UGT2A1: variants seen among roughly 807,000 people sequenced by gnomAD.
The protein encoded by UGT2A1 is UDP glucuronosyltransferase family 2 member A1 complex locus.
UGT2A1 carries 61 observed loss-of-function variants against 45.4 expected under a neutral mutation model. The ratio of observed to expected loss-of-function variants is 1.34; its 90% confidence interval spans 1.09 to 1.66. The LOEUF (loss-of-function observed/expected upper bound fraction) is 1.66, where lower values mean the gene tolerates loss of function less well. UGT2A1 is among the 40% of genes most tolerant of loss of function. The pLI is 0.00. For synonymous variants in UGT2A1, 229 were observed against 196.2 expected (o/e 1.17, Z -1.40); for missense variants, 649 against 574.3 (o/e 1.13, Z -1.33).
chr4:69,603,619 G>C (rs745822968), intron 3 of UGT2A1: 1 of 136,300 alleles, frequency 7.3e-6, no homozygotes, highest in Non-Finnish European at 1.6e-5. Context: ...AAACTGCTCC[G>C]AGCTACAGGA....
At chr4:69,596,088 A>G (rs539505717) in intron 4 of UGT2A1, among the ~76,000 whole-genome samples, 2 of 152,336 alleles carry the variant, frequency 1.3e-5, no homozygotes, top group Admixed American at 1.3e-4. Flanking sequence ...TCAATGTGCT[A>G]ATGTACACAA....
intron 6 of UGT2A1, among the ~76,000 whole-genome samples, chr4:69,594,135 C>A (rs1215696005): frequency 6.6e-6 from 1 of 151,708 alleles, no homozygotes; most frequent in Non-Finnish European, 1.5e-5. Flanking sequence ...CTATCATACC[C>A]GGCTAAATTT....
At chr4:69,646,822 C>T (rs1247758002) in intron 2 of UGT2A1, 108 bp downstream of exon 2, 11 of 737,286 alleles carry the variant, frequency 1.5e-5, no homozygotes, top group East Asian at 5.4e-5. Context: ...ATATATAGTA[C>T]ATCAATACTT....
chr4:69,646,516 C>T (rs1011633844), intron 2 of UGT2A1, among the ~76,000 whole-genome samples: 2 of 151,734 alleles, frequency 1.3e-5, no homozygotes, highest in Non-Finnish European at 3.0e-5. Context: ...AGATTATCCA[C>T]ATATATGTAT....
intron 2 of UGT2A1, among the ~76,000 whole-genome samples, chr4:69,640,138 G>T (rs1456889789): frequency 6.6e-6 from 1 of 151,902 alleles, no homozygotes; most frequent in Non-Finnish European, 1.5e-5. Flanking sequence ...AGAAGATATG[G>T]CCTGGAACTC....
rs533907513 is a variant in UGT2A1, at chr4:69,602,931, G to A, written c.848-3537C>T. On this transcript the variant is annotated intron_variant, in intron 3 of 6. Coordinates refer to ENST00000286604, the MANE Select transcript of UGT2A1 (RefSeq NM_001252275.3). ...AAATACAAAAAAATTAGCCGGGCGT[G>A]GTGGCAGGTGCCTGTAATCCCAGAT... 8.1e-5 allele frequency among the ~76,000 whole-genome samples: 11 copies of A among 135,286 alleles called. 1 individual carries two copies. The East Asian group carries it at 2.3e-3, about 28-fold the overall frequency. 88.8% of individuals were successfully genotyped at this position (135,286 alleles called of 152,430 possible). A position where few individuals can be genotyped will look rare whatever the true frequency, so the allele number is the denominator to read the frequency against.
intron 3 of UGT2A1, among the ~76,000 whole-genome samples, chr4:69,605,135 A>T (rs1398128683): frequency 2.2e-5 from 3 of 136,838 alleles, no homozygotes; most frequent in Admixed American, 7.2e-5. Context: ...TCAGCACCAC[A>T]CCGCACTTAT....
At chr4:69,594,105 G>C (rs1430139603) in intron 6 of UGT2A1, among the ~76,000 whole-genome samples, 1 of 151,686 alleles carries the variant, frequency 6.6e-6, no homozygotes, top group Non-Finnish European at 1.5e-5. Flanking sequence ...CTCCTGAGTA[G>C]CTGGGACTAC....
In UGT2A1 at chr4:69,647,462, G is replaced by T. The variant is rs1490794337; in HGVS notation, c.183C>A (p.Ile61=). 6.2e-7 allele frequency: 1 copy of T among 1,613,008 alleles called. No homozygotes were observed. Among genetic ancestry groups the T allele is most frequent in the African/African-American group, 1.3e-5 (1 of 74,970 alleles). ...TVLVASGALF[I]TPTSNPSLTF... ...TCAGAGATGGGTTAGAGGTTGGTGTGATGAAAAGTGCACCAGAGGCAACTA... is the reference window on the plus strand; with the variant it reads ...TCAGAGATGGGTTAGAGGTTGGTGTTATGAAAAGTGCACCAGAGGCAACTA... Residue 61 remains isoleucine (I), a synonymous_variant, in exon 2 of 7, where the codon ATC becomes ATA. Transcript: ENST00000286604.
intron 2 of UGT2A1, among the ~76,000 whole-genome samples, chr4:69,644,422 AT>A (rs1173556833): frequency 2.0e-5 from 3 of 151,736 alleles, no homozygotes; most frequent in East Asian, 3.9e-4. Context: ...GAGACGGTCT[AT>A]GTACATTCCG....
At chr4:69,650,263 C>T (rs1379013999) in intron 1 of UGT2A1, among the ~76,000 whole-genome samples, 2 of 152,088 alleles carry the variant, frequency 1.3e-5, no homozygotes. Context: ...ACCTACTATT[C>T]ACACACAGCA....
intron 3 of UGT2A1, among the ~76,000 whole-genome samples, chr4:69,611,316 T>G (rs1720035928): frequency 6.6e-6 from 1 of 150,826 alleles, no homozygotes; most frequent in African/African-American, 2.4e-5. Flanking sequence ...TATTAATTTC[T>G]GCCAAATTTT....
intron 3 of UGT2A1, among the ~76,000 whole-genome samples, chr4:69,622,299 G>A (rs1356826558): frequency 6.6e-6 from 1 of 151,534 alleles, no homozygotes; most frequent in East Asian, 1.9e-4. Context: ...ACACCACAAA[G>A]ATGGGAAATT....
chr4:69,643,033 C>A (rs905502187), intron 2 of UGT2A1, among the ~76,000 whole-genome samples: 5 of 151,154 alleles, frequency 3.3e-5, no homozygotes, highest in Non-Finnish European at 7.4e-5. Context: ...GGTATACATT[C>A]GAAACTGTGG....
intron 6 of UGT2A1, among the ~76,000 whole-genome samples, chr4:69,592,202 C>T (rs1294868071): frequency 6.6e-6 from 1 of 152,140 alleles, no homozygotes; most frequent in Non-Finnish European, 1.5e-5. Flanking sequence ...ACCTTCTCCT[C>T]TCCTGAATCT....
At chr4:69,641,255 T>G (rs1014937480) in intron 2 of UGT2A1, among the ~76,000 whole-genome samples, 1 of 151,948 alleles carries the variant, frequency 6.6e-6, no homozygotes. Flanking sequence ...CCTAATTTAG[T>G]GAAGAACAAT....
At chr4:69,628,481 A>G (rs970583966) in intron 3 of UGT2A1, among the ~76,000 whole-genome samples, 1 of 151,812 alleles carries the variant, frequency 6.6e-6, no homozygotes, top group Non-Finnish European at 1.5e-5. Flanking sequence ...ACAAGATATC[A>G]AGAATATACG....
intron 3 of UGT2A1, among the ~76,000 whole-genome samples, chr4:69,610,885 C>A (rs1458910866): frequency 6.6e-6 from 1 of 152,108 alleles, no homozygotes; most frequent in Non-Finnish European, 1.5e-5. Flanking sequence ...AGCTACACAC[C>A]ACTGGTTAGG....
At chr4:69,600,433 A>G (rs1719212339) in intron 3 of UGT2A1, among the ~76,000 whole-genome samples, 1 of 152,164 alleles carries the variant, frequency 6.6e-6, no homozygotes, top group African/African-American at 2.4e-5. Flanking sequence ...TCACAGTACA[A>G]TTTTGAGTGG....
Sources: allele counts gnomAD v4.1 joint callset (sites outside exome capture counted in the v4.1 genomes callset), GRCh38; gene constraint gnomAD v4.1.1; transcripts MANE v1.5; gene names NCBI Gene and HGNC (gene_info 2026-07-23, HGNC 2026-07-21).